The following ATRNL1 variants were observed in gnomAD, a reference collection of about 807,000 sequenced individuals.
The protein encoded by ATRNL1 is attractin like 1.
A neutral mutation model predicts 182.7 loss-of-function variants in ATRNL1; 95 were observed. That is an observed-to-expected ratio of 0.52 (90% CI 0.44 to 0.62). ATRNL1 has a LOEUF of 0.62. ATRNL1 is among the 20% of genes least tolerant of loss of function. The pLI is 0.00. For synonymous variants in ATRNL1, 576 were observed against 568.3 expected (o/e 1.01, Z -0.19); for missense variants, 1,471 against 1,679.5 (o/e 0.88, Z 2.17).
At chr10:115,151,672 T>C (rs540004961) in intron 5 of ATRNL1, among the ~76,000 whole-genome samples, 1,902 of 152,286 alleles carry the variant, frequency 0.012, 17 homozygotes, top group Non-Finnish European at 0.021. Flanking sequence ...GTAGGTTGCG[T>C]GTTCACTTTG....
intron 8 of ATRNL1, among the ~76,000 whole-genome samples, chr10:115,184,375 A>AAC (rs1439726194): frequency 2.0e-5 from 3 of 151,020 alleles, no homozygotes; most frequent in East Asian, 3.9e-4. Flanking sequence ...CACACACATA[A>AAC]ACACACACAC....
intron 24 of ATRNL1, among the ~76,000 whole-genome samples, chr10:115,480,207 A>AACACACACACACAC (rs72119794): frequency 3.3e-4 from 49 of 146,748 alleles, no homozygotes; most frequent in African/African-American, 1.1e-3. Context: ...GAGTCATTTG[A>AACACACACACACAC]ACACACACAC....
intron 19 of ATRNL1, among the ~76,000 whole-genome samples, chr10:115,380,043 G>A (rs911128033): frequency 4.6e-5 from 7 of 152,068 alleles, no homozygotes. Context: ...TGGTAGCCAG[G>A]ATGGTCTCGA....
intron 8 of ATRNL1, among the ~76,000 whole-genome samples, chr10:115,209,307 CA>C (rs1222231472): frequency 1.3e-5 from 2 of 151,154 alleles, no homozygotes; most frequent in Non-Finnish European, 3.0e-5. Context: ...TATGCTCTGG[CA>C]ATCATAGAGC....
chr10:115,856,428 C>CAAAA lies in ATRNL1; in HGVS notation c.4018+8456_4018+8459dup, dbSNP rs572743389. ...GGGCAACAAGAGCGAAGCTCCATCTCAAAAAAAAAAAAAAAAAAAAAAGCC... is the reference window on the plus strand; with the variant it reads ...GGGCAACAAGAGCGAAGCTCCATCTCAAAAAAAAAAAAAAAAAAAAAAAAAAGCC... On this transcript the variant is annotated intron_variant, in intron 28 of 28. Coordinates refer to ENST00000355044, the MANE Select transcript of ATRNL1 (RefSeq NM_207303.4). Among the ~76,000 whole-genome samples, 209 of 22,524 alleles carry CAAAA rather than the reference C, an allele frequency of 9.3e-3. 60 individuals are homozygous for CAAAA. Among genetic ancestry groups the CAAAA allele is most frequent in the South Asian group, 0.03 (8 of 264 alleles). The allele number at this position is 22,524 out of a possible 152,430, so 14.8% of individuals were successfully genotyped here. A position where few individuals can be genotyped will look rare whatever the true frequency, so the allele number is the denominator to read the frequency against.
intron 26 of ATRNL1, among the ~76,000 whole-genome samples, chr10:115,631,965 C>A (rs1858539667): frequency 6.6e-6 from 1 of 151,996 alleles, no homozygotes; most frequent in South Asian, 2.1e-4. Flanking sequence ...GAATATATAT[C>A]AATATATAGT....
At chr10:115,439,919 T>C (rs1054058559) in intron 21 of ATRNL1, among the ~76,000 whole-genome samples, 22 of 151,974 alleles carry the variant, frequency 1.4e-4, no homozygotes, top group Non-Finnish European at 7.4e-5. Context: ...GTTTACCAAA[T>C]GATGATTTTC....
intron 24 of ATRNL1, among the ~76,000 whole-genome samples, chr10:115,481,080 C>T (rs576134059): frequency 4.7e-5 from 7 of 150,344 alleles, no homozygotes; most frequent in South Asian, 4.2e-4. Flanking sequence ...AATTTTAATG[C>T]GGTTTTGTTA....
chr10:115,369,871 CT>C, intron 19 of ATRNL1, among the ~76,000 whole-genome samples: 1 of 152,106 alleles, frequency 6.6e-6, no homozygotes, highest in East Asian at 1.9e-4. Context: ...ATTTTTTAAT[CT>C]TTTGAGAAGT....
At chr10:115,665,053 T>A (rs1860921911) in intron 26 of ATRNL1, among the ~76,000 whole-genome samples, 1 of 152,274 alleles carries the variant, frequency 6.6e-6, no homozygotes, top group South Asian at 2.1e-4. Context: ...CCACTGAAAC[T>A]GAAGACCAGA....
chr10:115,464,768 C>T (rs1255626484), intron 22 of ATRNL1, among the ~76,000 whole-genome samples: 1 of 151,732 alleles, frequency 6.6e-6, no homozygotes, highest in Non-Finnish European at 1.5e-5. Flanking sequence ...ATTTAAGCCT[C>T]CTTAAGGGTA....
intron 19 of ATRNL1, among the ~76,000 whole-genome samples, chr10:115,389,019 G>A (rs1014906140): frequency 9.9e-5 from 15 of 151,974 alleles, no homozygotes; most frequent in African/African-American, 2.2e-4. Flanking sequence ...CCTCCTAACC[G>A]AAATTTTGTA....
chr10:115,496,168 G>A (rs1462268420), intron 24 of ATRNL1, among the ~76,000 whole-genome samples: 1 of 152,180 alleles, frequency 6.6e-6, no homozygotes, highest in African/African-American at 2.4e-5. Context: ...TCATTTGCTC[G>A]GTAGGTTTTT....
chr10:115,478,470 T>G (rs1482657459), intron 24 of ATRNL1, among the ~76,000 whole-genome samples: 2 of 151,746 alleles, frequency 1.3e-5, no homozygotes, highest in East Asian at 3.9e-4. Context: ...CACATGGCCC[T>G]CTCTACAACA....
intron 5 of ATRNL1, among the ~76,000 whole-genome samples, chr10:115,141,826 C>CT (rs1363992248): frequency 7.2e-5 from 11 of 152,100 alleles, no homozygotes; most frequent in Non-Finnish European, 1.2e-4. Context: ...GCAGATCTGA[C>CT]TTTTTTGTGA....
intron 27 of ATRNL1, among the ~76,000 whole-genome samples, chr10:115,831,190 G>GCGT (rs1555093587): frequency 2.6e-5 from 4 of 152,088 alleles, no homozygotes; most frequent in African/African-American, 9.7e-5. Flanking sequence ...TTCCCTAAGT[G>GCGT]CGTCACTGAC....
chr10:115,177,639 C>G (rs1899720), intron 8 of ATRNL1, among the ~76,000 whole-genome samples: 1 of 152,036 alleles, frequency 6.6e-6, no homozygotes. Context: ...CCTACCCATT[C>G]TTAGTAGAGA....
chr10:115,121,023 A>G (rs1844703877), intron 2 of ATRNL1, among the ~76,000 whole-genome samples: 1 of 152,162 alleles, frequency 6.6e-6, no homozygotes, highest in African/African-American at 2.4e-5. Flanking sequence ...TACCATTTGT[A>G]TACAACAAAA....
intron 24 of ATRNL1, among the ~76,000 whole-genome samples, chr10:115,486,075 T>A (rs1849008091): frequency 1.3e-5 from 2 of 152,178 alleles, no homozygotes; most frequent in Admixed American, 6.6e-5. Flanking sequence ...GGACATGAAC[T>A]CATCATTTTT....
Sources: gnomAD v4.1 joint callset for allele counts (sites outside exome capture counted in the v4.1 genomes callset) on GRCh38, gnomAD v4.1.1 for gene constraint, MANE v1.5 for transcripts, NCBI Gene and HGNC (gene_info 2026-07-23, HGNC 2026-07-21) for gene names.